USP24: variants seen among roughly 807,000 people sequenced by gnomAD.
The protein encoded by USP24 is ubiquitin specific peptidase 24.
Under a neutral mutation model 361.6 loss-of-function variants are expected in USP24, and 97 were observed. That is an observed-to-expected ratio of 0.27 (90% CI 0.23 to 0.32). The LOEUF is 0.32. Among genes scored for constraint, USP24 ranks in the 10% least tolerant of loss-of-function variants. The pLI is 1.00. For synonymous variants in USP24, 1,098 were observed against 1,124.6 expected (o/e 0.98, Z 0.47); for missense variants, 2,353 against 3,165.6 (o/e 0.74, Z 6.16).
intron 1 of USP24, among the ~76,000 whole-genome samples, chr1:55,186,454 G>C (rs1644134382): frequency 6.6e-6 from 1 of 152,146 alleles, no homozygotes; most frequent in Non-Finnish European, 1.5e-5. Flanking sequence ...GAAGAGGCTT[G>C]AGCAGATATT....
Position 55,097,973 on chromosome 1 carries a change from A to G in USP24, c.5565T>C (p.Asn1855=). 6.2e-7 allele frequency: 1 copy of G among 1,612,104 alleles called. No individual in the cohort carries two copies. The highest frequency in any genetic ancestry group is 8.5e-7 in the Non-Finnish European group (1 of 1,179,388). Residue 1855 remains asparagine (N), a synonymous_variant, in exon 47 of 68, where the codon AAT becomes AAC. Transcript: ENST00000294383. ...CTTTACACTTTTCACAGTAGTACGC[A>G]TTACTTCCTTCTAGAACTTCTCCTC... The part of the protein sequence containing the change: ...FVRGEVLEGS[N]AYYCEKCKEK...
chr1:55,071,510 T>C (rs918324501), intron 67 of USP24: 1 of 1,118,196 alleles, frequency 8.9e-7, no homozygotes, highest in African/African-American at 1.6e-5. Flanking sequence ...CAGAATAAAG[T>C]GAACAAGCTG....
chr1:55,080,214 G>A (rs1038596283), intron 59 of USP24, among the ~76,000 whole-genome samples: 4 of 152,052 alleles, frequency 2.6e-5, no homozygotes, highest in Non-Finnish European at 4.4e-5. Context: ...TTTAATTTTC[G>A]TTACAAAATT....
intron 35 of USP24, 123 bp downstream of exon 35, chr1:55,124,346 A>C (rs1646365955): frequency 8.8e-7 from 1 of 1,136,560 alleles, no homozygotes; most frequent in African/African-American, 1.6e-5. Flanking sequence ...ATGAATTTTT[A>C]CTCATGCTCA....
rs1644295284 is a variant in USP24, at chr1:55,191,774, G to C, written c.325-13642C>G. On this transcript the variant is annotated intron_variant, in intron 1 of 67. Coordinates refer to ENST00000294383, the MANE Select transcript of USP24 (RefSeq NM_015306.3). ...CAAAGCGCTAGGATTACAGGCATGA[G>C]CCACCCTGCCTGGCCTGGCACTTTT... Among the ~76,000 whole-genome samples the C allele has an allele frequency of 5.9e-5, 9 of 152,252 alleles. No individual in the cohort carries two copies. The South Asian group carries it at 1.5e-3, about 25-fold the overall frequency.
chr1:55,112,931 T>C (rs925023783), intron 38 of USP24, among the ~76,000 whole-genome samples: 27 of 152,216 alleles, frequency 1.8e-4, no homozygotes, highest in African/African-American at 6.3e-4. Flanking sequence ...GAACTTGCTT[T>C]ATGAATCTGG....
At chr1:55,086,946 T>C (rs1307616677) in intron 55 of USP24, among the ~76,000 whole-genome samples, 1 of 152,316 alleles carries the variant, frequency 6.6e-6, no homozygotes, top group African/African-American at 2.4e-5. Flanking sequence ...ATGTAAAGTA[T>C]CCTTCATGTT....
intron 43 of USP24, 26 bp downstream of exon 43, chr1:55,101,558 C>A: frequency 1.3e-6 from 2 of 1,586,412 alleles, no homozygotes; most frequent in South Asian, 2.3e-5. Context: ...TCTATCGTAC[C>A]AAAAAGGATA....
At chr1:55,134,482 C>T in intron 28 of USP24, 69 bp from the exon 29 acceptor site, 2 of 1,378,214 alleles carry the variant, frequency 1.5e-6, no homozygotes, top group Non-Finnish European at 2.0e-6. Flanking sequence ...ATCAAACTTA[C>T]AAACAATAAA....
intron 1 of USP24, among the ~76,000 whole-genome samples, chr1:55,187,329 C>G (rs115485755): frequency 1.3e-5 from 2 of 152,306 alleles, no homozygotes; most frequent in South Asian, 2.1e-4. Context: ...AAAACACCTA[C>G]AGTGAACATC....
At chr1:55,071,473 C>G (rs958258032) in intron 67 of USP24, 85 of 1,045,672 alleles carry the variant, frequency 8.1e-5, no homozygotes, top group East Asian at 1.5e-4. Flanking sequence ...TGAGAGCAAA[C>G]GAGGGACTTT....
At position 55,067,666 on chromosome 1, in the gene USP24, A is replaced by T. The variant is rs1412920980; in HGVS notation, c.*1379T>A. 1 of 152,254 alleles carries T rather than the reference A, an allele frequency of 6.6e-6. No individual in the cohort carries two copies. Among genetic ancestry groups the T allele is most frequent in the Non-Finnish European group, 1.5e-5 (1 of 68,056 alleles). The allele number at this position is 152,254 out of a possible 1,614,324, so 9.4% of individuals were successfully genotyped here. A position where few individuals can be genotyped will look rare whatever the true frequency, so the allele number is the denominator to read the frequency against. ...TGGCTGCGCCTCTGTGACTTGGCAA[A>T]TCTGACAGTGAAAACCTGGCACTTC... On this transcript the variant is annotated 3_prime_UTR_variant, in exon 68 of 68. Coordinates refer to ENST00000294383, the MANE Select transcript of USP24 (RefSeq NM_015306.3).
At chr1:55,072,037 G>T in intron 66 of USP24, 113 bp from the exon 67 acceptor site, 2 of 945,942 alleles carry the variant, frequency 2.1e-6, no homozygotes, top group Non-Finnish European at 3.3e-6. Context: ...AGGCCTGAGA[G>T]TGAGGCCTTC....
chr1:55,214,943 G>C lies in USP24; in HGVS notation c.171C>G (p.Asp57Glu). The C allele has an allele frequency of 7.1e-7, 1 of 1,410,568 alleles. No individual in the cohort carries two copies. The highest frequency in any genetic ancestry group is 9.3e-7 in the Non-Finnish European group (1 of 1,075,162). The allele number at this position is 1,410,568 out of a possible 1,614,324, so 87.4% of individuals were successfully genotyped here. A position where few individuals can be genotyped will look rare whatever the true frequency, so the allele number is the denominator to read the frequency against. Residue 57 changes from aspartate to glutamate, a missense_variant, in exon 1 of 68, where the codon GAC (aspartate) becomes GAG (glutamate). By Grantham distance (45) the Asp-to-Glu change is conservative (BLOSUM62 2). Around this residue, in one of 8 missense-constraint regions of USP24, gnomAD observed 253 missense variants for 255.3 expected, o/e 0.99. Transcript: ENST00000294383. ...GCCCGGGGCTGGGGCCACCGCCGCT[G>C]TCCATGGGCTCGTAGCCGCCGTAGT... ...GLDYGGYEPMDSGGGPSPGPG... is the reference protein window; with the variant it reads ...GLDYGGYEPMESGGGPSPGPG...
In USP24 at chr1:55,097,140, T is replaced by C. The variant is rs769663282; in HGVS notation, c.5748A>G (p.Thr1916=). The C allele has an allele frequency of 1.9e-6, 3 of 1,613,908 alleles. No individual in the cohort carries two copies. The highest frequency in any genetic ancestry group is 3.3e-5 in the Admixed American group (2 of 60,014). ...AATCTTGGCGAGCCATTCCTGAAAC[T>C]GTGTAAGGCTCCATGTTTAGCATCC... The part of the protein sequence containing the change: ...FPWMLNMEPY[T]VSGMARQDSS... The change falls in exon 49 of 68, where the codon ACA becomes ACG. Residue 1916 remains threonine, a synonymous_variant. Coordinates refer to ENST00000294383, the MANE Select transcript of USP24 (RefSeq NM_015306.3).
chr1:55,116,444 G>C (rs1646118764), intron 38 of USP24, among the ~76,000 whole-genome samples: 1 of 151,648 alleles, frequency 6.6e-6, no homozygotes, highest in Admixed American at 6.6e-5. Context: ...ACAAAAAAGG[G>C]AGAAGGATCA....
chr1:55,113,021 C>T (rs1248675248), intron 38 of USP24, among the ~76,000 whole-genome samples: 2 of 152,014 alleles, frequency 1.3e-5, no homozygotes, highest in East Asian at 3.9e-4. Context: ...TTGTGTAATG[C>T]CCTTCTTTGT....
chr1:55,100,775 T>C, intron 44 of USP24, 64 bp downstream of exon 44: 1 of 1,480,130 alleles, frequency 6.8e-7, no homozygotes, highest in Non-Finnish European at 9.0e-7. Context: ...ACCATTACCA[T>C]TAGAGAAAGA....
chr1:55,111,393 A>G (rs1333159924), intron 38 of USP24, among the ~76,000 whole-genome samples: 1 of 152,092 alleles, frequency 6.6e-6, no homozygotes, highest in African/African-American at 2.4e-5. Flanking sequence ...TTAATATTAA[A>G]TAAAAAACAT....
Sources: gnomAD v4.1 joint callset for allele counts (sites outside exome capture counted in the v4.1 genomes callset) on GRCh38, gnomAD v4.1.1 for gene constraint, gnomAD v4.1.1 regional missense constraint, MANE v1.5 for transcripts, NCBI Gene and HGNC (gene_info 2026-07-23, HGNC 2026-07-21) for gene names.